ITGBL1: variants seen among roughly 807,000 people sequenced by gnomAD.
ITGBL1 encodes the protein integrin beta-like protein 1.
A neutral mutation model predicts 68.5 loss-of-function variants in ITGBL1; 51 were observed. That is an observed-to-expected ratio of 0.74 (90% CI 0.59 to 0.94). The LOEUF (loss-of-function observed/expected upper bound fraction) is 0.94, where lower values mean the gene tolerates loss of function less well. Among genes scored for constraint, ITGBL1 ranks in the 40% least tolerant of loss-of-function variants. The probability of loss-of-function intolerance (pLI) is 0.00; values close to 1 mark genes in which losing one functional copy is unlikely to be tolerated. For missense variants in ITGBL1, 649 were observed against 647.4 expected (o/e 1.00, Z -0.03); for synonymous variants, 209 against 227.3 (o/e 0.92, Z 0.72).
chr13:101,579,255 T>A, intron 4 of ITGBL1, 32 bp from the exon 5 acceptor site: 1 of 1,601,386 alleles, frequency 6.2e-7, no homozygotes, highest in Non-Finnish European at 8.5e-7. Flanking sequence ...GTTGCTTTTT[T>A]CCTCACTGTA....
intron 7 of ITGBL1, among the ~76,000 whole-genome samples, chr13:101,648,430 G>A (rs1055039428): frequency 3.3e-5 from 5 of 152,142 alleles, no homozygotes; most frequent in African/African-American, 1.2e-4. Flanking sequence ...GAGAGAATTA[G>A]TCAAAACAAA....
At chr13:101,533,974 C>T (rs2049526784) in intron 2 of ITGBL1, among the ~76,000 whole-genome samples, 1 of 152,068 alleles carries the variant, frequency 6.6e-6, no homozygotes, top group South Asian at 2.1e-4. Context: ...AAAAATAAGC[C>T]ACTAAGGAAA....
At chr13:101,617,217 TC>T (rs972348646) in intron 7 of ITGBL1, among the ~76,000 whole-genome samples, 13 of 152,132 alleles carry the variant, frequency 8.5e-5, no homozygotes, top group Non-Finnish European at 1.6e-4. Flanking sequence ...CCTTGTGATA[TC>T]CAGTTTTATT....
chr13:101,503,890 C>G lies in ITGBL1; in HGVS notation c.316+49790C>G, dbSNP rs558959231. On this transcript the variant is annotated intron_variant, in intron 2 of 10. Transcript: ENST00000376180. ...AACAGCAGCCTGTGATAGGCTGGAG[C>G]AGGTTGTCACTAGGAAGACAGGGAG... Among the ~76,000 whole-genome samples, 3 of 152,176 alleles carry G rather than the reference C, an allele frequency of 2.0e-5. No homozygotes were observed. The South Asian group carries it at 6.2e-4, about 31-fold the overall frequency.
At chr13:101,546,305 A>G (rs2049822785) in intron 2 of ITGBL1, among the ~76,000 whole-genome samples, 1 of 152,192 alleles carries the variant, frequency 6.6e-6, no homozygotes, top group Non-Finnish European at 1.5e-5. Flanking sequence ...TGGTGGTTAC[A>G]TGGCTTTAAT....
intron 7 of ITGBL1, among the ~76,000 whole-genome samples, chr13:101,605,754 A>G (rs978857322): frequency 6.8e-6 from 1 of 146,916 alleles, no homozygotes; most frequent in African/African-American, 2.5e-5. Flanking sequence ...GTATGTGCGT[A>G]TATGTGTGTA....
intron 4 of ITGBL1, among the ~76,000 whole-genome samples, chr13:101,578,175 G>A (rs1034565574): frequency 6.6e-6 from 1 of 152,082 alleles, no homozygotes; most frequent in Non-Finnish European, 1.5e-5. Flanking sequence ...CTTCTTATGT[G>A]AGTTTTACAG....
chr13:101,688,221 A>G (rs111559079), intron 7 of ITGBL1, among the ~76,000 whole-genome samples: 117 of 152,286 alleles, frequency 7.7e-4, no homozygotes, highest in African/African-American at 2.5e-3. Flanking sequence ...TAGTGATTTT[A>G]TCATTTAACA....
intron 2 of ITGBL1, among the ~76,000 whole-genome samples, chr13:101,554,260 C>G (rs2049969779): frequency 6.6e-6 from 1 of 152,200 alleles, no homozygotes; most frequent in Non-Finnish European, 1.5e-5. Flanking sequence ...CATAACAGCT[C>G]TCAGTCCACT....
At chr13:101,699,435 G>A (rs539713700) in intron 8 of ITGBL1, among the ~76,000 whole-genome samples, 14 of 152,250 alleles carry the variant, frequency 9.2e-5, no homozygotes, top group South Asian at 2.1e-4. Context: ...CCCAAGTGTC[G>A]TGGGAGGGAC....
At chr13:101,582,480 A>T (rs1322085832) in intron 5 of ITGBL1, among the ~76,000 whole-genome samples, 1 of 152,198 alleles carries the variant, frequency 6.6e-6, no homozygotes, top group Non-Finnish European at 1.5e-5. Context: ...CTGATAATCC[A>T]CACAGAGTAA....
intron 2 of ITGBL1, among the ~76,000 whole-genome samples, chr13:101,530,678 T>G (rs924365911): frequency 1.4e-4 from 22 of 152,258 alleles, no homozygotes; most frequent in Admixed American, 1.4e-3. Flanking sequence ...TGTTTGAATA[T>G]GTTTGGTAAT....
intron 2 of ITGBL1, among the ~76,000 whole-genome samples, chr13:101,549,461 T>G (rs2049884244): frequency 6.6e-6 from 1 of 151,802 alleles, no homozygotes; most frequent in African/African-American, 2.4e-5. Flanking sequence ...TATGGAAAAA[T>G]GCCATTTATT....
At chr13:101,533,442 A>AT (rs1198362100) in intron 2 of ITGBL1, among the ~76,000 whole-genome samples, 4 of 152,220 alleles carry the variant, frequency 2.6e-5, no homozygotes, top group African/African-American at 9.6e-5. Flanking sequence ...GTTTCTGAAT[A>AT]TTTTTAGAAG....
chr13:101,455,702 C>A (rs1267580049), intron 2 of ITGBL1, among the ~76,000 whole-genome samples: 1 of 152,088 alleles, frequency 6.6e-6, no homozygotes, highest in Non-Finnish European at 1.5e-5. Context: ...ATATTGGATG[C>A]CACAACTTGT....
At chr13:101,544,854 A>G (rs920288871) in intron 2 of ITGBL1, among the ~76,000 whole-genome samples, 2 of 152,222 alleles carry the variant, frequency 1.3e-5, no homozygotes, top group Admixed American at 6.5e-5. Flanking sequence ...CCTCCAAGTC[A>G]GGCGCGAGAT....
rs2034695990 is a variant in ITGBL1, at chr13:101,715,808, T to C, written c.*154T>C. ...ATTACGAATGAAATCCGAGTACCTA[T>C]TAGAAATGAGTTATGCAAATTTAGA... On this transcript the variant is annotated 3_prime_UTR_variant, in exon 11 of 11. Transcript: ENST00000376180. 3.9e-6 allele frequency: 2 copies of C among 514,664 alleles called. No individual in the cohort carries two copies. The highest frequency in any genetic ancestry group is 6.9e-5 in the South Asian group (2 of 29,038). 31.9% of individuals were successfully genotyped at this position (514,664 alleles called of 1,614,324 possible).
At chr13:101,535,350 G>A (rs1481829589) in intron 2 of ITGBL1, among the ~76,000 whole-genome samples, 3 of 152,090 alleles carry the variant, frequency 2.0e-5, no homozygotes, top group Non-Finnish European at 4.4e-5. Context: ...CTCTTTCAGA[G>A]CTCCAGGAGG....
At chr13:101,562,681 GAC>G (rs534307296) in intron 2 of ITGBL1, among the ~76,000 whole-genome samples, 55 of 151,790 alleles carry the variant, frequency 3.6e-4, no homozygotes, top group Admixed American at 9.2e-4. Flanking sequence ...TTTAAAGAAT[GAC>G]AGACTGAAAG....
Sources: allele counts gnomAD v4.1 joint callset (sites outside exome capture counted in the v4.1 genomes callset), GRCh38; gene constraint gnomAD v4.1.1; transcripts MANE v1.5; gene names NCBI Gene and HGNC (gene_info 2026-07-23, HGNC 2026-07-21).